Variants in PDE6H observed in about 807,000 individuals in gnomAD.
PDE6H encodes retinal cone rhodopsin-sensitive cGMP 3',5'-cyclic phosphodiesterase subunit gamma.
A neutral mutation model predicts 9.2 loss-of-function variants in PDE6H; 11 were observed. That is an observed-to-expected ratio of 1.19 (90% CI 0.75 to 1.97). PDE6H has a LOEUF of 1.97. Among genes scored for constraint, PDE6H ranks in the 30% most tolerant of loss-of-function variants. PDE6H has a pLI of 0.00. For synonymous variants in PDE6H, 36 were observed against 33.6 expected (o/e 1.07, Z -0.25); for missense variants, 98 against 101.5 (o/e 0.97, Z 0.15).
rs1350481480 is a variant in PDE6H at position 14,981,323 on chromosome 12, G to T, written c.176-77G>T. 21 of 896,388 alleles carry T rather than the reference G, an allele frequency of 2.3e-5. No individual in the cohort carries two copies. In the East Asian group the frequency reaches 4.1e-4, roughly 17 times the overall value. The allele number at this position is 896,388 out of a possible 1,614,324, so 55.5% of individuals were successfully genotyped here. ...CAGGAGAGAGGAGTGAAGTGTCTCT[G>T]CCTGAAGGGTGTCTTTCTGTGAAGA... On this transcript the variant is annotated intron_variant, in intron 3 of 3. Transcript: ENST00000266395.
chr12:14,977,621 T>A (rs982477003), intron 1 of PDE6H, among the ~76,000 whole-genome samples: 1 of 152,226 alleles, frequency 6.6e-6, no homozygotes, highest in African/African-American at 2.4e-5. Context: ...TTTAATTTAA[T>A]TTATTTATTT....
At chr12:14,981,371 CTT>C (rs1258075550) in intron 3 of PDE6H, 27 bp from the exon 4 acceptor site, 2 of 1,482,920 alleles carry the variant, frequency 1.3e-6, no homozygotes, top group South Asian at 2.3e-5. Flanking sequence ...GTGAGGTTGG[CTT>C]ACGTGCTCTT....
At position 14,979,168 on chromosome 12, in the gene PDE6H, C is replaced by G. The variant is rs762513947; in HGVS notation, c.135-11C>G. ...AATCTCAGCTAATTTCTCCTTTATTCTTTTCCATAGATTTGGAGATGACAT... is the reference window on the plus strand; with the variant it reads ...AATCTCAGCTAATTTCTCCTTTATTGTTTTCCATAGATTTGGAGATGACAT... On this transcript the variant is annotated splice_polypyrimidine_tract_variant and intron_variant, in intron 2 of 3. Coordinates refer to ENST00000266395, the MANE Select transcript of PDE6H (RefSeq NM_006205.3). 24 of 1,597,794 alleles carry G rather than the reference C, an allele frequency of 1.5e-5. 1 individual carries two copies. The South Asian group carries it at 2.3e-4, about 15-fold the overall frequency.
chr12:14,976,059 A>C (rs916055917), intron 1 of PDE6H, among the ~76,000 whole-genome samples: 3 of 152,058 alleles, frequency 2.0e-5, no homozygotes, highest in African/African-American at 7.2e-5. Flanking sequence ...TGACCTCGTG[A>C]TCCGCCCGCC....
chr12:14,976,030 C>T (rs185914308), intron 1 of PDE6H, among the ~76,000 whole-genome samples: 73 of 152,212 alleles, frequency 4.8e-4, no homozygotes, highest in Non-Finnish European at 6.9e-4. Context: ...CCGTGTTAGC[C>T]AGGATGGTCT....
At chr12:14,981,330 G>A (rs752587296) in intron 3 of PDE6H, 70 bp from the exon 4 acceptor site, 29 of 927,984 alleles carry the variant, frequency 3.1e-5, no homozygotes, top group Non-Finnish European at 5.2e-5. Context: ...TCTGCCTGAA[G>A]GGTGTCTTTC....
At chr12:14,979,386 T>G (rs1864647646) in intron 3 of PDE6H, among the ~76,000 whole-genome samples, 167 bp downstream of exon 3, 1 of 152,240 alleles carries the variant, frequency 6.6e-6, no homozygotes, top group Non-Finnish European at 1.5e-5. Flanking sequence ...TAAGTACATG[T>G]GTGCCCAGAT....
At chr12:14,975,754 G>A (rs1257642542) in intron 1 of PDE6H, among the ~76,000 whole-genome samples, 1 of 151,966 alleles carries the variant, frequency 6.6e-6, no homozygotes, top group African/African-American at 2.4e-5. Flanking sequence ...CTCTGATGGA[G>A]AAGTCAAAGG....
At chr12:14,979,326 A>T in intron 3 of PDE6H, 107 bp downstream of exon 3, 1 of 757,808 alleles carries the variant, frequency 1.3e-6, no homozygotes, top group Non-Finnish European at 2.4e-6. Flanking sequence ...TACCCAAGGC[A>T]GAAGATCTGT....
intron 1 of PDE6H, among the ~76,000 whole-genome samples, 166 bp downstream of exon 1, chr12:14,973,252 G>C (rs926815529): frequency 2.6e-5 from 4 of 152,174 alleles, no homozygotes; most frequent in African/African-American, 9.7e-5. Context: ...GATACATGCA[G>C]ACCTTCTTGT....
chr12:14,976,176 T>C (rs1271984036), intron 1 of PDE6H, among the ~76,000 whole-genome samples: 1 of 152,142 alleles, frequency 6.6e-6, no homozygotes, highest in Non-Finnish European at 1.5e-5. Flanking sequence ...ATATATGGCA[T>C]GATTACTGTA....
chr12:14,981,597 T>C lies in PDE6H; in HGVS notation c.*121T>C. On this transcript the variant is annotated 3_prime_UTR_variant, in exon 4 of 4. Transcript: ENST00000266395. ...GAAGTGGTTTCTTTGACTTTCAAGGTCATTCCCTATCAGTTACTACTAAGA... is the reference window on the plus strand; with the variant it reads ...GAAGTGGTTTCTTTGACTTTCAAGGCCATTCCCTATCAGTTACTACTAAGA... 1.4e-6 allele frequency: 1 copy of C among 727,322 alleles called. No individual in the cohort carries two copies. Among genetic ancestry groups the C allele is most frequent in the Non-Finnish European group, 2.5e-6 (1 of 399,340 alleles). The allele number at this position is 727,322 out of a possible 1,614,324, so 45.1% of individuals were successfully genotyped here.
chr12:14,981,024 G>A (rs527945066), intron 3 of PDE6H, among the ~76,000 whole-genome samples: 1 of 152,360 alleles, frequency 6.6e-6, no homozygotes, highest in Admixed American at 6.5e-5. Context: ...AGACCAGGGA[G>A]ATTCAAAGTG....
intron 1 of PDE6H, 69 bp from the exon 2 acceptor site, chr12:14,977,903 T>C (rs1246050073): frequency 9.2e-7 from 1 of 1,084,366 alleles, no homozygotes; most frequent in Non-Finnish European, 1.4e-6. Context: ...CAGCCTGAAA[T>C]AAAGATCTAA....
At chr12:14,977,486 G>A (rs563392277) in intron 1 of PDE6H, among the ~76,000 whole-genome samples, 29 of 152,250 alleles carry the variant, frequency 1.9e-4, no homozygotes, top group African/African-American at 6.7e-4. Context: ...TCCTCTCTTC[G>A]TAACTGACAG....
chr12:14,979,267 C>T lies in PDE6H; in HGVS notation c.175+48C>T, dbSNP rs116182266. 2,159 of 1,316,278 alleles carry T rather than the reference C, an allele frequency of 1.6e-3. 31 individuals are homozygous for T. The African/African-American group carries it at 0.027, about 17-fold the overall frequency. 81.5% of individuals were successfully genotyped at this position (1,316,278 alleles called of 1,614,324 possible). On this transcript the variant is annotated intron_variant, in intron 3 of 3. Transcript: ENST00000266395. ...TGAGAACTTCGCACTTGGAGTTCTG[C>T]CTTTTTATATACTTCAGGCCTCAAG...
chr12:14,976,829 G>T (rs1446824569), intron 1 of PDE6H, among the ~76,000 whole-genome samples: 1 of 152,178 alleles, frequency 6.6e-6, no homozygotes, highest in Non-Finnish European at 1.5e-5. Flanking sequence ...AAGCAATTTG[G>T]AGTTCTCTGG....
At position 14,981,301 on chromosome 12, in the gene PDE6H, G is replaced by C. The variant is rs1027107516; in HGVS notation, c.176-99G>C. On this transcript the variant is annotated intron_variant, in intron 3 of 3. Coordinates refer to ENST00000266395, the MANE Select transcript of PDE6H (RefSeq NM_006205.3). ...TTCCCAGTCAGGGGACAATGAGCAG[G>C]AGAGAGGAGTGAAGTGTCTCTGCCT... is the stretch of plus-strand genomic sequence containing the variant. The C allele has an allele frequency of 3.5e-5, 29 of 817,624 alleles. 1 individual carries two copies. The highest frequency in any genetic ancestry group is 3.5e-4 in the South Asian group (26 of 75,176). The allele number at this position is 817,624 out of a possible 1,614,324, so 50.6% of individuals were successfully genotyped here. A position where few individuals can be genotyped will look rare whatever the true frequency, so the allele number is the denominator to read the frequency against.
chr12:14,978,165 G>T lies in PDE6H; in HGVS notation c.134+19G>T. On this transcript the variant is annotated intron_variant, in intron 2 of 3. Transcript: ENST00000266395. ...TGAAAGGGTAAGACCAAAATGAAAAGAAAAACTTTCTATTACTTTCTTTTT... is the reference window on the plus strand; with the variant it reads ...TGAAAGGGTAAGACCAAAATGAAAATAAAAACTTTCTATTACTTTCTTTTT... The T allele has an allele frequency of 6.2e-7, 1 of 1,610,862 alleles. No individual in the cohort carries two copies. The highest frequency in any genetic ancestry group is 2.2e-5 in the East Asian group (1 of 44,816).
Sources: gnomAD v4.1 joint callset for allele counts (sites outside exome capture counted in the v4.1 genomes callset) on GRCh38, gnomAD v4.1.1 for gene constraint, MANE v1.5 for transcripts, NCBI Gene and HGNC (gene_info 2026-07-23, HGNC 2026-07-21) for gene names.